The following LDB2 variants were observed in gnomAD, a reference collection of about 807,000 sequenced individuals.
LDB2 encodes the protein LIM domain binding 2, also known as LIM domain-binding protein 2.
A neutral mutation model predicts 44.3 loss-of-function variants in LDB2; 12 were observed. The ratio of observed to expected loss-of-function variants is 0.27; its 90% confidence interval spans 0.17 to 0.44. The LOEUF (loss-of-function observed/expected upper bound fraction) is 0.44, where lower values mean the gene tolerates loss of function less well. LDB2 is among the 20% of genes least tolerant of loss of function. The pLI is 1.00. For missense variants in LDB2, 344 were observed against 473.5 expected (o/e 0.73, Z 2.54); for synonymous variants, 164 against 174.8 (o/e 0.94, Z 0.49).
intron 2 of LDB2, among the ~76,000 whole-genome samples, chr4:16,673,911 C>T (rs1745569899): frequency 6.6e-6 from 1 of 152,196 alleles, no homozygotes; most frequent in Admixed American, 6.5e-5. Context: ...CCCTCTTTTA[C>T]ATTTCTTCTC....
intron 2 of LDB2, among the ~76,000 whole-genome samples, chr4:16,722,091 G>A (rs1175218359): frequency 6.6e-6 from 1 of 152,138 alleles, no homozygotes; most frequent in Non-Finnish European, 1.5e-5. Context: ...TTACCTAAGA[G>A]ACGGCAGGCA....
rs1183328791 is a variant in LDB2, at chr4:16,657,264, TC to T, written c.236-61390del. On this transcript the variant is annotated intron_variant, in intron 2 of 7. Coordinates refer to ENST00000304523, the MANE Select transcript of LDB2 (RefSeq NM_001290.5). ...AAAATTATACATGTGGTTGGCATTA[TC>T]TATCTGCTGGATAGTGCCATGATGC... 9.9e-5 allele frequency among the ~76,000 whole-genome samples: 15 copies of T among 152,230 alleles called. No individual in the cohort carries two copies. The East Asian group carries it at 2.9e-3, about 29-fold the overall frequency.
intron 2 of LDB2, among the ~76,000 whole-genome samples, chr4:16,697,925 C>T (rs1346399196): frequency 2.0e-5 from 3 of 152,176 alleles, no homozygotes; most frequent in Non-Finnish European, 4.4e-5. Flanking sequence ...CATGGCAGTG[C>T]TAGCAACTAT....
At chr4:16,595,971 T>G (rs1202732553) in intron 2 of LDB2, 96 bp from the exon 3 acceptor site, 4 of 1,248,476 alleles carry the variant, frequency 3.2e-6, no homozygotes, top group Non-Finnish European at 4.4e-6. Context: ...AACCGGATAC[T>G]GATCATCTCA....
At chr4:16,721,202 C>A (rs1214627267) in intron 2 of LDB2, among the ~76,000 whole-genome samples, 2 of 152,136 alleles carry the variant, frequency 1.3e-5, no homozygotes, top group Non-Finnish European at 2.9e-5. Context: ...CCTTATCTTT[C>A]CTTTTATAGC....
At chr4:16,874,564 T>G (rs566873609) in intron 1 of LDB2, among the ~76,000 whole-genome samples, 13 of 152,280 alleles carry the variant, frequency 8.5e-5, no homozygotes, top group African/African-American at 3.1e-4. Context: ...AATCAAATAG[T>G]TGAGGGTAAG....
chr4:16,674,051 G>C, intron 2 of LDB2: 1 of 363,292 alleles, frequency 2.8e-6, no homozygotes, highest in South Asian at 2.1e-5. Context: ...TATCGCCTTA[G>C]TGTTTACCAA....
intron 1 of LDB2, among the ~76,000 whole-genome samples, chr4:16,782,359 T>TC (rs1773455729): frequency 1.3e-5 from 2 of 152,086 alleles, no homozygotes; most frequent in South Asian, 4.2e-4. Context: ...ATACTTTTTT[T>TC]TTTTTTTTTG....
At chr4:16,895,993 C>T (rs971215945) in intron 1 of LDB2, among the ~76,000 whole-genome samples, 1 of 151,610 alleles carries the variant, frequency 6.6e-6, no homozygotes, top group Admixed American at 6.6e-5. Flanking sequence ...TATGGCATTG[C>T]GTTCATGACA....
At chr4:16,794,593 T>A (rs1776375802) in intron 1 of LDB2, among the ~76,000 whole-genome samples, 1 of 152,206 alleles carries the variant, frequency 6.6e-6, no homozygotes, top group Non-Finnish European at 1.5e-5. Flanking sequence ...TCTCTTCATT[T>A]TTCAAATGTA....
intron 5 of LDB2, among the ~76,000 whole-genome samples, chr4:16,541,353 C>T (rs1440878514): frequency 2.0e-5 from 3 of 152,106 alleles, no homozygotes; most frequent in East Asian, 1.9e-4. Flanking sequence ...TGTGATGTTC[C>T]TGTTCTAGCT....
At chr4:16,649,868 T>A (rs1737790129) in intron 2 of LDB2, among the ~76,000 whole-genome samples, 1 of 152,022 alleles carries the variant, frequency 6.6e-6, no homozygotes, top group Admixed American at 6.6e-5. Flanking sequence ...CGAAACAGGG[T>A]TTTAAGGAAT....
chr4:16,607,847 C>T (rs144834807), intron 2 of LDB2, among the ~76,000 whole-genome samples: 15 of 152,226 alleles, frequency 9.9e-5, no homozygotes, highest in South Asian at 2.1e-4. Flanking sequence ...GGACTTGGCA[C>T]GCCTATTTGG....
chr4:16,525,988 G>A (rs10020336), intron 5 of LDB2, among the ~76,000 whole-genome samples: 69,193 of 152,024 alleles, frequency 0.46, 15,983 homozygotes, highest in Non-Finnish European at 0.5. Flanking sequence ...AGCCTGAATT[G>A]TCCAGGTGGT....
At chr4:16,852,178 A>G (rs561143097) in intron 1 of LDB2, among the ~76,000 whole-genome samples, 1 of 152,226 alleles carries the variant, frequency 6.6e-6, no homozygotes, top group South Asian at 2.1e-4. Context: ...CATGCAAAGC[A>G]CCTCTCAGAG....
chr4:16,811,698 G>T (rs555478627), intron 1 of LDB2, among the ~76,000 whole-genome samples: 13 of 152,154 alleles, frequency 8.5e-5, no homozygotes, highest in Admixed American at 7.9e-4. Context: ...ACAGACACAC[G>T]TGTCAACTTA....
At chr4:16,794,207 C>G (rs1776307432) in intron 1 of LDB2, among the ~76,000 whole-genome samples, 1 of 152,038 alleles carries the variant, frequency 6.6e-6, no homozygotes, top group Non-Finnish European at 1.5e-5. Flanking sequence ...TGGGGCAGAG[C>G]TGAGATGATT....
chr4:16,582,842 C>T lies in LDB2; in HGVS notation c.615+3080G>A, dbSNP rs1394170655. On this transcript the variant is annotated intron_variant, in intron 5 of 7. Transcript: ENST00000304523. This position sits in a 1 kb window ranked among gnomAD's most constrained non-coding sequence, Gnocchi z 4.8. ...ACCACCAAGTCAGCCATCATCGTACCTCTTAGCTCGGGGCACCTCTAACCT... is the reference window on the plus strand; with the variant it reads ...ACCACCAAGTCAGCCATCATCGTACTTCTTAGCTCGGGGCACCTCTAACCT... Among the ~76,000 whole-genome samples the T allele has an allele frequency of 6.6e-6, 1 of 152,154 alleles. No individual in the cohort carries two copies. Among genetic ancestry groups the T allele is most frequent in the South Asian group, 2.1e-4 (1 of 4,822 alleles).
At chr4:16,581,716 G>A (rs991572884) in intron 5 of LDB2, among the ~76,000 whole-genome samples, 1 of 151,980 alleles carries the variant, frequency 6.6e-6, no homozygotes, top group Non-Finnish European at 1.5e-5. Context: ...TCCTTCTCCT[G>A]TCTTCTAACA....
Sources: gnomAD v4.1 joint callset for allele counts (sites outside exome capture counted in the v4.1 genomes callset) on GRCh38, gnomAD v4.1.1 for gene constraint, Gnocchi (gnomAD v3.1) non-coding constraint, MANE v1.5 for transcripts, NCBI Gene and HGNC (gene_info 2026-07-23, HGNC 2026-07-21) for gene names.